The following SLIT3 variants were observed in gnomAD, a reference collection of about 807,000 sequenced individuals.
The protein encoded by SLIT3 is slit homolog 3 protein.
A neutral mutation model predicts 184.0 loss-of-function variants in SLIT3; 68 were observed. The observed-to-expected ratio is 0.37, with a 90% CI of 0.30 to 0.45. The LOEUF (loss-of-function observed/expected upper bound fraction) is 0.45. Among genes scored for constraint, SLIT3 ranks in the 20% least tolerant of loss-of-function variants. SLIT3 has a pLI of 1.00. For synonymous variants in SLIT3, 831 were observed against 828.6 expected (o/e 1.00, Z -0.05); for missense variants, 1,707 against 2,026.0 (o/e 0.84, Z 3.02).
At chr5:169,179,623 A>G (rs1278347793) in intron 4 of SLIT3, among the ~76,000 whole-genome samples, 1 of 147,418 alleles carries the variant, frequency 6.8e-6, no homozygotes, top group Non-Finnish European at 1.5e-5. Flanking sequence ...GGAGTATGAA[A>G]TCCTCCTGCC....
At chr5:169,176,585 A>G (rs1266394004) in intron 4 of SLIT3, among the ~76,000 whole-genome samples, 1 of 152,178 alleles carries the variant, frequency 6.6e-6, no homozygotes, top group African/African-American at 2.4e-5. Flanking sequence ...CTCCATTTCC[A>G]TATAAAATAT....
At chr5:168,868,069 T>A in intron 5 of SLIT3, among the ~76,000 whole-genome samples, 1 of 152,206 alleles carries the variant, frequency 6.6e-6, no homozygotes. Context: ...AAATTTCTTG[T>A]TTCTAAATCA....
Position 168,819,083 on chromosome 5 carries a change from A to G in SLIT3, c.630-1620T>C, listed in dbSNP as rs559722988. Among the ~76,000 whole-genome samples, 3 of 152,326 alleles carry G rather than the reference A, an allele frequency of 2.0e-5. No individual in the cohort carries two copies. In the South Asian group the frequency reaches 6.2e-4, roughly 32 times the overall value. The stretch of plus-strand genomic sequence containing the variant: ...CTGGGCCCAAGATACAGTGAGTACA[A>G]TGGGTCCCACGCAGTTCTCCCCTTT... On this transcript the variant is annotated intron_variant, in intron 7 of 35. Coordinates refer to ENST00000519560, the MANE Select transcript of SLIT3 (RefSeq NM_003062.4).
chr5:168,888,170 C>T (rs1242874839), intron 4 of SLIT3, among the ~76,000 whole-genome samples: 3 of 152,164 alleles, frequency 2.0e-5, no homozygotes, highest in African/African-American at 7.2e-5. Flanking sequence ...ATGGAAAAGG[C>T]AAATAAAAGT....
chr5:169,083,537 C>A (rs1205923847), intron 4 of SLIT3, among the ~76,000 whole-genome samples: 1 of 152,208 alleles, frequency 6.6e-6, no homozygotes, highest in Non-Finnish European at 1.5e-5. Flanking sequence ...TGCACATTGG[C>A]AAACAGGAAA....
chr5:169,063,964 T>C (rs1037056832), intron 4 of SLIT3, among the ~76,000 whole-genome samples: 1 of 152,190 alleles, frequency 6.6e-6, no homozygotes, highest in East Asian at 1.9e-4. Context: ...TGCTTTTAAT[T>C]TATAGAATGA....
chr5:168,802,608 C>A (rs1354000506), intron 9 of SLIT3, among the ~76,000 whole-genome samples: 1 of 152,164 alleles, frequency 6.6e-6, no homozygotes, highest in African/African-American at 2.4e-5. Flanking sequence ...ATGCAAGTGG[C>A]TAGCCTAGTT....
intron 4 of SLIT3, among the ~76,000 whole-genome samples, chr5:169,145,932 T>C (rs1761908432): frequency 6.6e-6 from 1 of 152,052 alleles, no homozygotes; most frequent in South Asian, 2.1e-4. Flanking sequence ...CAACCTGTAG[T>C]CCCAGCTACT....
At chr5:169,076,303 A>T (rs764826479) in intron 4 of SLIT3, among the ~76,000 whole-genome samples, 2 of 152,196 alleles carry the variant, frequency 1.3e-5, no homozygotes, top group Non-Finnish European at 2.9e-5. Context: ...ATATATTAGC[A>T]CTAGAGATTG....
At chr5:168,905,103 G>C (rs1214291910) in intron 4 of SLIT3, among the ~76,000 whole-genome samples, 1 of 152,140 alleles carries the variant, frequency 6.6e-6, no homozygotes, top group Non-Finnish European at 1.5e-5. Flanking sequence ...CTCGAACCCG[G>C]GAGGCGGAGG....
intron 1 of SLIT3, among the ~76,000 whole-genome samples, chr5:169,270,002 A>T (rs1174380581): frequency 6.6e-6 from 1 of 152,066 alleles, no homozygotes; most frequent in African/African-American, 2.4e-5. Flanking sequence ...GTTTGTGAAA[A>T]ATAGATCTCT....
chr5:169,097,644 G>A (rs1759837995), intron 4 of SLIT3, among the ~76,000 whole-genome samples: 2 of 152,226 alleles, frequency 1.3e-5, no homozygotes, highest in Admixed American at 6.5e-5. Flanking sequence ...GATGATGTCA[G>A]CTTAGCAGCC....
At chr5:169,107,806 C>T (rs1469165217) in intron 4 of SLIT3, among the ~76,000 whole-genome samples, 1 of 152,238 alleles carries the variant, frequency 6.6e-6, no homozygotes. Context: ...GTGCTGTGTC[C>T]TCTGCCTAGA....
intron 1 of SLIT3, among the ~76,000 whole-genome samples, chr5:169,289,954 C>G (rs1767286307): frequency 1.3e-5 from 2 of 151,990 alleles, no homozygotes; most frequent in Admixed American, 1.3e-4. Flanking sequence ...AGGGCATACG[C>G]TAAGGCACAC....
At chr5:168,749,733 G>A in intron 18 of SLIT3, 98 bp from the exon 19 acceptor site, 1 of 1,322,424 alleles carries the variant, frequency 7.6e-7, no homozygotes. Context: ...CAGGAAGGAG[G>A]AGGTCTCAGG....
intron 1 of SLIT3, among the ~76,000 whole-genome samples, chr5:169,267,898 C>T (rs1235208143): frequency 3.3e-5 from 5 of 152,220 alleles, no homozygotes; most frequent in African/African-American, 1.2e-4. Flanking sequence ...TGGTGCCCAC[C>T]TCCCAAGTCC....
At chr5:169,139,368 C>T (rs116413653) in intron 4 of SLIT3, among the ~76,000 whole-genome samples, 109 of 152,316 alleles carry the variant, frequency 7.2e-4, no homozygotes, top group African/African-American at 2.4e-3. Flanking sequence ...TACTACGCAT[C>T]AAGTTTTTGC....
At chr5:169,034,304 C>G (rs547461407) in intron 4 of SLIT3, among the ~76,000 whole-genome samples, 1 of 151,742 alleles carries the variant, frequency 6.6e-6, no homozygotes, top group East Asian at 1.9e-4. Flanking sequence ...GTGCAATATC[C>G]AAAAAAAACC....
In SLIT3 at chr5:168,722,974, C is replaced by T. The variant is rs1762991435; in HGVS notation, c.2370G>A (p.Leu790=). ...ACATGTTACTGAAGGTGTAATTGGT[C>T]AGCATGCTGATGCTGTTGTTGCTCA... ...IDLSNNSISM[L]TNYTFSNMSH... The change falls in exon 22 of 36, where the codon CTG becomes CTA. Residue 790 remains leucine (L), a synonymous_variant. Coordinates refer to ENST00000519560, the MANE Select transcript of SLIT3 (RefSeq NM_003062.4). 3 of 1,614,010 alleles carry T rather than the reference C, an allele frequency of 1.9e-6. No homozygotes were observed. Among genetic ancestry groups the T allele is most frequent in the Non-Finnish European group, 2.5e-6 (3 of 1,179,906 alleles).
Sources: gnomAD v4.1 joint callset for allele counts (sites outside exome capture counted in the v4.1 genomes callset) on GRCh38, gnomAD v4.1.1 for gene constraint, MANE v1.5 for transcripts, NCBI Gene and HGNC (gene_info 2026-07-23, HGNC 2026-07-21) for gene names.